USP43: variants seen among roughly 807,000 people sequenced by gnomAD.
USP43 encodes the protein ubiquitin carboxyl-terminal hydrolase 43.
Under a neutral mutation model 90.7 loss-of-function variants are expected in USP43, and 33 were observed. The observed-to-expected ratio is 0.36, with a 90% CI of 0.28 to 0.49. The LOEUF (loss-of-function observed/expected upper bound fraction) is 0.49. Among genes scored for constraint, USP43 ranks in the 20% least tolerant of loss-of-function variants. The pLI is 0.98. For missense variants in USP43, 1,274 were observed against 1,476.4 expected, an observed-to-expected ratio of 0.86 and a Z score of 2.25; for synonymous variants, 598 against 615.8, an observed-to-expected ratio of 0.97 and a Z score of 0.43.
At chr17:9,725,860 C>T (rs1324828656) in intron 14 of USP43, among the ~76,000 whole-genome samples, 2 of 152,144 alleles carry the variant, frequency 1.3e-5, no homozygotes, top group East Asian at 1.9e-4. Flanking sequence ...TAATACAAAG[C>T]GTCCCTTTCT....
At chr17:9,694,033 C>G (rs971365806) in intron 9 of USP43, among the ~76,000 whole-genome samples, 1 of 152,162 alleles carries the variant, frequency 6.6e-6, no homozygotes, top group African/African-American at 2.4e-5. Context: ...ACCTTGATAG[C>G]CTTCTGGTGC....
intron 12 of USP43, among the ~76,000 whole-genome samples, chr17:9,702,481 CT>C (rs1915630770): frequency 6.6e-6 from 1 of 151,646 alleles, no homozygotes; most frequent in Non-Finnish European, 1.5e-5. Flanking sequence ...AGGAATCTTA[CT>C]TATCGGATTT....
At chr17:9,694,417 A>C (rs1915137825) in intron 9 of USP43, among the ~76,000 whole-genome samples, 1 of 152,184 alleles carries the variant, frequency 6.6e-6, no homozygotes, top group African/African-American at 2.4e-5. Context: ...GAGATAACCC[A>C]AAGTGGTTCT....
chr17:9,666,372 C>T (rs371014794), intron 2 of USP43, among the ~76,000 whole-genome samples: 1 of 152,052 alleles, frequency 6.6e-6, no homozygotes, highest in South Asian at 2.1e-4. Flanking sequence ...CCAGGGGGAA[C>T]GGGTGAGGCT....
chr17:9,661,447 C>G (rs773960902), intron 2 of USP43, among the ~76,000 whole-genome samples: 4 of 152,076 alleles, frequency 2.6e-5, no homozygotes, highest in Admixed American at 6.6e-5. Flanking sequence ...GTCTTGACCT[C>G]CTGGGCTCCA....
At chr17:9,675,417 T>A (rs1402642099) in intron 4 of USP43, among the ~76,000 whole-genome samples, 3 of 151,902 alleles carry the variant, frequency 2.0e-5, no homozygotes, top group Admixed American at 1.3e-4. Context: ...AGGGGTTGTT[T>A]GGGGAAGATG....
chr17:9,722,427 G>A (rs1260891665), intron 14 of USP43, among the ~76,000 whole-genome samples: 1 of 152,138 alleles, frequency 6.6e-6, no homozygotes, highest in African/African-American at 2.4e-5. Flanking sequence ...GGAGCCTTCA[G>A]TCCATGCCGA....
intron 13 of USP43, among the ~76,000 whole-genome samples, chr17:9,710,500 CTTTT>C (rs753636549): frequency 1.2e-5 from 1 of 86,038 alleles, no homozygotes; most frequent in Admixed American, 1.4e-4. Flanking sequence ...GGAAAGGTAG[CTTTT>C]TTTTTTTTTT....
chr17:9,681,175 A>G (rs1178927656), intron 6 of USP43, among the ~76,000 whole-genome samples: 3 of 86,820 alleles, frequency 3.5e-5, no homozygotes. Flanking sequence ...AATATATACT[A>G]TATAATATAC....
intron 8 of USP43, among the ~76,000 whole-genome samples, chr17:9,692,413 C>A (rs74818091): frequency 2.0e-5 from 3 of 152,046 alleles, no homozygotes; most frequent in Non-Finnish European, 2.9e-5. Context: ...GGTACCTCAG[C>A]GTTGTCTTGA....
chr17:9,722,151 T>G (rs2152001746), intron 14 of USP43, among the ~76,000 whole-genome samples: 1 of 152,284 alleles, frequency 6.6e-6, no homozygotes, highest in South Asian at 2.1e-4. Flanking sequence ...TTTTATAAAT[T>G]GTGCTTTTTA....
At chr17:9,705,503 C>T (rs1442404933) in intron 12 of USP43, among the ~76,000 whole-genome samples, 2 of 152,088 alleles carry the variant, frequency 1.3e-5, no homozygotes, top group Non-Finnish European at 2.9e-5. Flanking sequence ...GCCTGTAATC[C>T]CAGCACTTTG....
chr17:9,693,449 GA>G (rs1393173007), intron 9 of USP43, among the ~76,000 whole-genome samples: 9 of 152,216 alleles, frequency 5.9e-5, no homozygotes, highest in Non-Finnish European at 1.0e-4. Flanking sequence ...AGATGGGGGG[GA>G]CACCAACGTT....
intron 2 of USP43, among the ~76,000 whole-genome samples, chr17:9,661,839 C>T (rs1372524149): frequency 1.3e-5 from 2 of 152,068 alleles, no homozygotes; most frequent in Non-Finnish European, 2.9e-5. Context: ...TGATCCTGTC[C>T]ATAGCCCCTC....
chr17:9,666,881 C>T (rs1913066967), intron 3 of USP43, 130 bp downstream of exon 3: 2 of 707,934 alleles, frequency 2.8e-6, no homozygotes, highest in Non-Finnish European at 5.0e-6. Flanking sequence ...CCTTCTCTCT[C>T]CCATTATAAA....
chr17:9,685,168 A>G (rs1052564802), intron 7 of USP43, among the ~76,000 whole-genome samples: 1 of 152,196 alleles, frequency 6.6e-6, no homozygotes, highest in African/African-American at 2.4e-5. Flanking sequence ...CAGACAGATC[A>G]CCTCATATTT....
At chr17:9,681,151 AATATATAC>A (rs1567660650) in intron 6 of USP43, among the ~76,000 whole-genome samples, 3 of 93,020 alleles carry the variant, frequency 3.2e-5, no homozygotes, top group African/African-American at 4.8e-5. Flanking sequence ...TATACTATAT[AATATATAC>A]TATATAATAT....
Position 9,657,888 on chromosome 17 carries a change from A to G in USP43, c.636+1354A>G, listed in dbSNP as rs114325261. Among the ~76,000 whole-genome samples, 438 of 151,394 alleles carry G rather than the reference A, an allele frequency of 2.9e-3. 1 individual carries two copies. Among genetic ancestry groups the G allele is most frequent in the African/African-American group, 0.01 (422 of 40,852 alleles). ...ATGAGTGAGCAAAGTTATTTTAACA[A>G]CATCTGTGAATAATCTGCTGTAATA... On this transcript the variant is annotated intron_variant, in intron 2 of 14. Transcript: ENST00000285199.
chr17:9,659,636 TGTAAG>T (rs1037136954), intron 2 of USP43, among the ~76,000 whole-genome samples: 1 of 152,060 alleles, frequency 6.6e-6, no homozygotes, highest in African/African-American at 2.4e-5. Flanking sequence ...TCTTCCTACT[TGTAAG>T]GTAGGTGGGA....
Sources: gnomAD v4.1 joint callset for allele counts (sites outside exome capture counted in the v4.1 genomes callset) on GRCh38, gnomAD v4.1.1 for gene constraint, MANE v1.5 for transcripts, NCBI Gene and HGNC (gene_info 2026-07-23, HGNC 2026-07-21) for gene names.